GRIN2A: variants seen among roughly 807,000 people sequenced by gnomAD.
GRIN2A encodes the protein glutamate receptor ionotropic, NMDA 2A.
In GRIN2A, 22 loss-of-function variants were observed where a neutral mutation model predicts 113.4. The ratio of observed to expected loss-of-function variants is 0.19; its 90% CI spans 0.14 to 0.28. GRIN2A has a LOEUF of 0.28. Among genes scored for constraint, GRIN2A ranks in the 10% least tolerant of loss-of-function variants. The pLI is 1.00. For missense variants in GRIN2A, 1,502 were observed against 1,887.0 expected (o/e 0.80, Z 3.78); for synonymous variants, 827 against 738.4 (o/e 1.12, Z -1.94).
chr16:10,099,457 T>C (rs2048352473), intron 2 of GRIN2A, among the ~76,000 whole-genome samples: 1 of 148,150 alleles, frequency 6.7e-6, no homozygotes, highest in South Asian at 2.2e-4. Context: ...GGAAAGAGAA[T>C]GCCATCCTGT....
chr16:9,861,378 A>G (rs974302701), intron 4 of GRIN2A, among the ~76,000 whole-genome samples: 3 of 152,248 alleles, frequency 2.0e-5, no homozygotes, highest in African/African-American at 7.2e-5. Context: ...AAGGAAATTT[A>G]AAATGATTTA....
At chr16:9,804,179 G>T (rs974417757) in intron 10 of GRIN2A, among the ~76,000 whole-genome samples, 17 of 152,262 alleles carry the variant, frequency 1.1e-4, no homozygotes, top group Middle Eastern at 3.4e-3. Context: ...TGAAACGGAA[G>T]CCCGCCATAT....
At chr16:10,094,483 C>G (rs561509726) in intron 2 of GRIN2A, among the ~76,000 whole-genome samples, 5 of 151,616 alleles carry the variant, frequency 3.3e-5, no homozygotes, top group African/African-American at 9.7e-5. Context: ...GAATCTCGCT[C>G]TTATTGCCCA....
Position 10,077,246 on chromosome 16 carries a change from T to C in GRIN2A, c.414+102752A>G, listed in dbSNP as rs1266355849. Among the ~76,000 whole-genome samples the C allele has an allele frequency of 3.3e-5, 5 of 152,156 alleles. No homozygotes were observed. In the South Asian group the frequency reaches 6.2e-4, roughly 19 times the overall value. On this transcript the variant is annotated intron_variant, in intron 2 of 12. Transcript: ENST00000330684. The stretch of plus-strand genomic sequence containing the variant: ...TGTGGGTGACCAGTAGGATTATAAA[T>C]TGATGTGCTTTAAGCCACTGTGTGT...
At chr16:9,821,663 C>G (rs1449694813) in intron 10 of GRIN2A, among the ~76,000 whole-genome samples, 1 of 152,186 alleles carries the variant, frequency 6.6e-6, no homozygotes, top group Non-Finnish European at 1.5e-5. Flanking sequence ...ATGAGAAACT[C>G]TCTCTCCAAA....
At chr16:10,029,090 G>A (rs2046878828) in intron 2 of GRIN2A, among the ~76,000 whole-genome samples, 1 of 152,206 alleles carries the variant, frequency 6.6e-6, no homozygotes, top group South Asian at 2.1e-4. Flanking sequence ...CCCCAGAGCT[G>A]GAGTGGCCCT....
chr16:9,894,038 G>A (rs1200981367), intron 3 of GRIN2A, among the ~76,000 whole-genome samples: 1 of 152,122 alleles, frequency 6.6e-6, no homozygotes, highest in African/African-American at 2.4e-5. Context: ...CAGACAAAAG[G>A]GTCCCTAACT....
At chr16:10,032,249 C>T (rs555287857) in intron 2 of GRIN2A, among the ~76,000 whole-genome samples, 3 of 152,154 alleles carry the variant, frequency 2.0e-5, no homozygotes, top group Non-Finnish European at 4.4e-5. Flanking sequence ...GCTTGTTGAG[C>T]CTTGGGTAAC....
intron 2 of GRIN2A, among the ~76,000 whole-genome samples, chr16:10,052,577 G>T (rs970525617): frequency 6.6e-6 from 1 of 152,228 alleles, no homozygotes. Flanking sequence ...CCTTCAGGTT[G>T]CTGGGAGGGT....
intron 3 of GRIN2A, among the ~76,000 whole-genome samples, chr16:9,897,982 G>A (rs2043839799): frequency 6.7e-6 from 1 of 148,492 alleles, no homozygotes; most frequent in Non-Finnish European, 1.5e-5. Flanking sequence ...CGAGGAAAGA[G>A]AATAGGCTTT....
At chr16:10,006,931 A>G (rs1272025211) in intron 2 of GRIN2A, among the ~76,000 whole-genome samples, 1 of 152,168 alleles carries the variant, frequency 6.6e-6, no homozygotes, top group Non-Finnish European at 1.5e-5. Context: ...AGTGACCTTC[A>G]GTTTCATCCA....
intron 11 of GRIN2A, among the ~76,000 whole-genome samples, chr16:9,772,459 C>A (rs1211668826): frequency 6.6e-6 from 1 of 152,194 alleles, no homozygotes; most frequent in Admixed American, 6.5e-5. Context: ...ACAGTAGCAA[C>A]TTCCTGGGCT....
chr16:9,977,546 G>T (rs1037603387), intron 2 of GRIN2A, among the ~76,000 whole-genome samples: 1 of 152,134 alleles, frequency 6.6e-6, no homozygotes, highest in Non-Finnish European at 1.5e-5. Flanking sequence ...CTGTGCGCAC[G>T]CTAGGTGCTC....
chr16:9,805,870 G>A (rs1055401483), intron 10 of GRIN2A, among the ~76,000 whole-genome samples: 1 of 152,162 alleles, frequency 6.6e-6, no homozygotes, highest in East Asian at 1.9e-4. Context: ...GGCATGACAA[G>A]CTTTGAAATT....
intron 4 of GRIN2A, among the ~76,000 whole-genome samples, chr16:9,873,249 A>G (rs906716983): frequency 6.6e-6 from 1 of 152,166 alleles, no homozygotes; most frequent in Non-Finnish European, 1.5e-5. Context: ...GATACAATGT[A>G]TGTTATTTGT....
intron 2 of GRIN2A, among the ~76,000 whole-genome samples, chr16:10,065,857 G>A (rs935677629): frequency 7.9e-5 from 12 of 152,102 alleles, no homozygotes; most frequent in Non-Finnish European, 1.2e-4. Context: ...GAGGGGGGGC[G>A]CTTAACATGG....
intron 3 of GRIN2A, among the ~76,000 whole-genome samples, chr16:9,925,404 C>T (rs1371463098): frequency 3.3e-5 from 5 of 152,216 alleles, no homozygotes; most frequent in African/African-American, 1.2e-4. Context: ...GTAGTGTCCT[C>T]ACCCTTATGT....
intron 4 of GRIN2A, 143 bp downstream of exon 4, chr16:9,890,843 T>C (rs1596545596): frequency 1.5e-6 from 1 of 671,860 alleles, no homozygotes; most frequent in Non-Finnish European, 2.7e-6. Context: ...TCTGCCTTGT[T>C]GCAAGAAAGA....
chr16:10,044,717 T>A (rs1461937840), intron 2 of GRIN2A, among the ~76,000 whole-genome samples: 1 of 151,246 alleles, frequency 6.6e-6, no homozygotes, highest in Non-Finnish European at 1.5e-5. Context: ...ATAGCCTACG[T>A]CTGCTGTGTT....
Sources: allele counts gnomAD v4.1 joint callset (sites outside exome capture counted in the v4.1 genomes callset), GRCh38; gene constraint gnomAD v4.1.1; transcripts MANE v1.5; gene names NCBI Gene and HGNC (gene_info 2026-07-23, HGNC 2026-07-21).